The following KCNH8 variants were observed in gnomAD, a reference collection of about 807,000 sequenced individuals.
KCNH8 encodes voltage-gated delayed rectifier potassium channel KCNH8.
A neutral mutation model predicts 103.6 loss-of-function variants in KCNH8; 70 were observed. The ratio of observed to expected loss-of-function variants is 0.68; its 90% confidence interval spans 0.56 to 0.82. The LOEUF (loss-of-function observed/expected upper bound fraction) is 0.82, where lower values mean the gene tolerates loss of function less well. Among genes scored for constraint, KCNH8 ranks in the 40% least tolerant of loss-of-function variants. KCNH8 has a pLI of 0.00. For synonymous variants in KCNH8, 498 were observed against 489.4 expected (o/e 1.02, Z -0.23); for missense variants, 1,217 against 1,329.9 (o/e 0.92, Z 1.32).
intron 11 of KCNH8, among the ~76,000 whole-genome samples, chr3:19,482,980 C>G (rs905864038): frequency 4.6e-5 from 7 of 151,964 alleles, no homozygotes; most frequent in Non-Finnish European, 1.0e-4. Context: ...TCCCCACGAG[C>G]TGTCTTGTGT....
chr3:19,495,395 GT>G (rs2068417596), intron 11 of KCNH8, among the ~76,000 whole-genome samples: 1 of 152,168 alleles, frequency 6.6e-6, no homozygotes, highest in East Asian at 1.9e-4. Flanking sequence ...AAAGGGTCCA[GT>G]ATCAATCTTC....
At chr3:19,362,304 C>G (rs1404549645) in intron 5 of KCNH8, among the ~76,000 whole-genome samples, 1 of 151,960 alleles carries the variant, frequency 6.6e-6, no homozygotes, top group Admixed American at 6.6e-5. Context: ...ATGTGTTAAA[C>G]ATTGTGAGGA....
intron 1 of KCNH8, among the ~76,000 whole-genome samples, chr3:19,187,271 A>T (rs1431663668): frequency 6.6e-6 from 1 of 151,986 alleles, no homozygotes; most frequent in Admixed American, 6.6e-5. Flanking sequence ...ATAAGTTATT[A>T]TACATAATAA....
intron 15 of KCNH8, among the ~76,000 whole-genome samples, chr3:19,524,328 T>G (rs760859678): frequency 6.6e-6 from 1 of 151,960 alleles, no homozygotes; most frequent in East Asian, 1.9e-4. Context: ...ATTCACTTTT[T>G]GACCTAGAAC....
At chr3:19,380,243 A>G (rs2066270479) in intron 5 of KCNH8, among the ~76,000 whole-genome samples, 1 of 152,232 alleles carries the variant, frequency 6.6e-6, no homozygotes, top group Admixed American at 6.5e-5. Context: ...GAACCTAAAA[A>G]CAAAACTTTA....
At chr3:19,382,973 A>G (rs1252227745) in intron 5 of KCNH8, among the ~76,000 whole-genome samples, 2 of 152,070 alleles carry the variant, frequency 1.3e-5, no homozygotes, top group African/African-American at 2.4e-5. Context: ...CATAATTATC[A>G]AGGCAAGGAG....
At chr3:19,399,920 A>T (rs2066584911) in intron 7 of KCNH8, among the ~76,000 whole-genome samples, 1 of 151,976 alleles carries the variant, frequency 6.6e-6, no homozygotes, top group South Asian at 2.1e-4. Flanking sequence ...GGAAAAGAAC[A>T]TGAGCTAAGG....
chr3:19,329,553 T>C (rs956380), intron 3 of KCNH8, among the ~76,000 whole-genome samples: 16,797 of 152,170 alleles, frequency 0.11, 1,072 homozygotes, highest in East Asian at 0.18. Flanking sequence ...AGTTTTGACA[T>C]TTTATGATAG....
intron 7 of KCNH8, among the ~76,000 whole-genome samples, chr3:19,431,456 A>C (rs2067120446): frequency 6.6e-6 from 1 of 151,710 alleles, no homozygotes; most frequent in Non-Finnish European, 1.5e-5. Context: ...TCTTTGTTTT[A>C]CCTCTGCCAG....
intron 10 of KCNH8, among the ~76,000 whole-genome samples, chr3:19,455,372 G>A (rs2125187583): frequency 6.6e-6 from 1 of 152,206 alleles, no homozygotes; most frequent in South Asian, 2.1e-4. Context: ...GCTCTAACCT[G>A]GGTGGTTTGC....
chr3:19,176,710 A>G (rs1471570793), intron 1 of KCNH8, among the ~76,000 whole-genome samples: 1 of 152,070 alleles, frequency 6.6e-6, no homozygotes, highest in African/African-American at 2.4e-5. Context: ...TTTCATAACT[A>G]TATTTCAGAA....
intron 7 of KCNH8, among the ~76,000 whole-genome samples, chr3:19,437,363 C>T (rs2067214812): frequency 6.6e-6 from 1 of 152,072 alleles, no homozygotes; most frequent in Admixed American, 6.6e-5. Context: ...TACTTGCTAT[C>T]TTCTCATGTT....
chr3:19,360,584 C>A (rs1486682383), intron 5 of KCNH8, among the ~76,000 whole-genome samples: 1 of 151,916 alleles, frequency 6.6e-6, no homozygotes, highest in Non-Finnish European at 1.5e-5. Context: ...GTTTGCCAAC[C>A]CCTGGTCTAG....
chr3:19,300,006 T>C (rs545430287), intron 3 of KCNH8, among the ~76,000 whole-genome samples: 3 of 152,206 alleles, frequency 2.0e-5, no homozygotes, highest in Non-Finnish European at 1.5e-5. Flanking sequence ...CCCAGCCCTT[T>C]GGGTGGCCAA....
intron 1 of KCNH8, among the ~76,000 whole-genome samples, chr3:19,202,563 C>T (rs999199124): frequency 6.6e-6 from 1 of 152,068 alleles, no homozygotes; most frequent in Non-Finnish European, 1.5e-5. Context: ...ATGCACAAAG[C>T]TGCCAAGCCA....
intron 7 of KCNH8, among the ~76,000 whole-genome samples, chr3:19,402,246 C>T (rs2066624462): frequency 6.6e-6 from 1 of 151,842 alleles, no homozygotes; most frequent in Non-Finnish European, 1.5e-5. Flanking sequence ...ACTCTATTAA[C>T]ATCCTATCCT....
At chr3:19,431,621 GTTTGT>G (rs1267327649) in intron 7 of KCNH8, among the ~76,000 whole-genome samples, 4 of 151,952 alleles carry the variant, frequency 2.6e-5, no homozygotes, top group African/African-American at 4.8e-5. Flanking sequence ...GGGTTTGTTT[GTTTGT>G]TTTGTTTTGT....
intron 1 of KCNH8, among the ~76,000 whole-genome samples, chr3:19,204,091 C>T (rs2063689424): frequency 6.6e-6 from 1 of 151,948 alleles, no homozygotes; most frequent in African/African-American, 2.4e-5. Context: ...GCATTGCTCC[C>T]ATTCACTGTT....
intron 5 of KCNH8, among the ~76,000 whole-genome samples, chr3:19,375,760 A>G (rs907266544): frequency 1.3e-5 from 2 of 150,676 alleles, no homozygotes; most frequent in Non-Finnish European, 1.5e-5. Context: ...GTCTTTGATG[A>G]TGGTGATGTA....
Sources: allele counts gnomAD v4.1 joint callset (sites outside exome capture counted in the v4.1 genomes callset), GRCh38; gene constraint gnomAD v4.1.1; transcripts MANE v1.5; gene names NCBI Gene and HGNC (gene_info 2026-07-23, HGNC 2026-07-21).